Variants in PPP4R1 observed in about 807,000 individuals in gnomAD.
PPP4R1 encodes serine/threonine-protein phosphatase 4 regulatory subunit 1.
PPP4R1 carries 42 observed loss-of-function variants against 111.2 expected under a neutral mutation model. The ratio of observed to expected loss-of-function variants is 0.38; its 90% confidence interval spans 0.29 to 0.49. The LOEUF is 0.49. Ranked by LOEUF, PPP4R1 falls within the 20% of genes least tolerant of loss-of-function variation. PPP4R1 has a pLI of 0.97. For synonymous variants in PPP4R1, 409 were observed against 405.5 expected (o/e 1.01, Z -0.10); for missense variants, 1,012 against 1,161.6 (o/e 0.87, Z 1.87).
chr18:9,597,843 C>T (rs1282309308), intron 2 of PPP4R1, among the ~76,000 whole-genome samples: 1 of 151,950 alleles, frequency 6.6e-6, no homozygotes, highest in African/African-American at 2.4e-5. Context: ...AAAATACAAA[C>T]CATGAGGCAA....
chr18:9,610,917 C>T (rs75842011), intron 2 of PPP4R1, among the ~76,000 whole-genome samples: 4,717 of 151,878 alleles, frequency 0.031, 109 homozygotes, highest in Non-Finnish European at 0.049. Context: ...ATTTTTCCCT[C>T]ATTAGGATTT....
intron 4 of PPP4R1, among the ~76,000 whole-genome samples, chr18:9,589,509 T>C (rs2067175514): frequency 6.6e-6 from 1 of 152,134 alleles, no homozygotes; most frequent in Non-Finnish European, 1.5e-5. Flanking sequence ...CTACTGCACA[T>C]CATAAAGATC....
intron 2 of PPP4R1, among the ~76,000 whole-genome samples, chr18:9,604,052 T>C (rs775962819): frequency 2.0e-5 from 3 of 152,186 alleles, no homozygotes; most frequent in Non-Finnish European, 4.4e-5. Flanking sequence ...TAGTCCATTT[T>C]AAAAAGTGAT....
At chr18:9,577,425 G>A (rs927885376) in intron 9 of PPP4R1, among the ~76,000 whole-genome samples, 1 of 152,218 alleles carries the variant, frequency 6.6e-6, no homozygotes, top group Non-Finnish European at 1.5e-5. Context: ...AGCACTCTGG[G>A]AGGCTGAGCT....
intron 14 of PPP4R1, among the ~76,000 whole-genome samples, chr18:9,558,637 C>A (rs1220523847): frequency 6.6e-6 from 1 of 150,660 alleles, no homozygotes; most frequent in African/African-American, 2.4e-5. Flanking sequence ...TTGAAAAATA[C>A]AATTACTAAG....
chr18:9,578,217 C>T (rs1325594155), intron 9 of PPP4R1, among the ~76,000 whole-genome samples: 1 of 152,182 alleles, frequency 6.6e-6, no homozygotes, highest in Non-Finnish European at 1.5e-5. Flanking sequence ...CTTTGCCACA[C>T]ACCAATTTCC....
intron 11 of PPP4R1, among the ~76,000 whole-genome samples, chr18:9,567,374 G>C (rs1207235396): frequency 2.0e-5 from 3 of 152,198 alleles, no homozygotes; most frequent in Non-Finnish European, 4.4e-5. Context: ...TAATTTTAGA[G>C]ATGGGGTCTT....
chr18:9,557,517 C>T (rs2066606616), intron 14 of PPP4R1, 135 bp from the exon 15 acceptor site: 3 of 701,456 alleles, frequency 4.3e-6, no homozygotes, highest in East Asian at 3.2e-5. Flanking sequence ...CAGATACTAA[C>T]TTTAAATGCC....
chr18:9,596,986 G>C (rs773918945), intron 2 of PPP4R1, among the ~76,000 whole-genome samples: 10 of 152,132 alleles, frequency 6.6e-5, no homozygotes, highest in African/African-American at 1.2e-4. Context: ...TAAAATGACA[G>C]AGCCAGGCAT....
chr18:9,582,246 G>T (rs1255883160), intron 9 of PPP4R1, among the ~76,000 whole-genome samples: 3 of 151,966 alleles, frequency 2.0e-5, no homozygotes, highest in Non-Finnish European at 4.4e-5. Flanking sequence ...GAAACCAAAA[G>T]TTGGTTCTGT....
Position 9,553,352 on chromosome 18 carries a change from C to T in PPP4R1, c.2261G>A (p.Arg754Lys), listed in dbSNP as rs1345570295. ...LQEFLVTDNS[R>K]NWRFRAELAE... ...CAGTTCAGCTCGAAACCGCCAATTT[C>T]TACTATTATCTGTCACCAAAAACTC... Residue 754 changes from arginine (R) to lysine (K), a missense_variant, in exon 16 of 20, where the codon AGA becomes AAA. By Grantham distance (26) the Arg-to-Lys change is conservative. Transcript: ENST00000400556. 1 of 1,600,360 alleles carries T rather than the reference C, an allele frequency of 6.2e-7. No homozygotes were observed. Among genetic ancestry groups the T allele is most frequent in the African/African-American group, 1.3e-5 (1 of 74,614 alleles).
rs891684172 is a variant in PPP4R1, at chr18:9,598,819, G to A, written c.53-3666C>T. Among the ~76,000 whole-genome samples, 5 of 151,910 alleles carry A rather than the reference G, an allele frequency of 3.3e-5. No individual in the cohort carries two copies. The South Asian group carries it at 1.0e-3, about 31-fold the overall frequency. ...GCGGATGGATCACTTGAGCTCAGGA[G>A]TTCAAGATCAGCCTGGGCAATATAG... On this transcript the variant is annotated intron_variant, in intron 2 of 19. Coordinates refer to ENST00000400556, the MANE Select transcript of PPP4R1 (RefSeq NM_001042388.3).
Position 9,553,369 on chromosome 18 carries a change from CA to C in PPP4R1, c.2243del (p.Leu748TrpfsTer2). ...GCCAATTTCTACTATTATCTGTCAC[CA>C]AAAACTCCTGAAGTTGATAAAGATA... ...REYLYQLQEFLVTDNSRNWRF... is the reference protein window; with the variant it reads ...REYLYQLQEFXVTDNSRNWRF... On this transcript the variant is annotated frameshift_variant, in exon 16 of 20. Coordinates refer to ENST00000400556, the MANE Select transcript of PPP4R1 (RefSeq NM_001042388.3). LOFTEE classifies it high-confidence loss of function. The C allele has an allele frequency of 1.9e-6, 3 of 1,603,030 alleles. No homozygotes were observed. The highest frequency in any genetic ancestry group is 2.6e-6 in the Non-Finnish European group (3 of 1,170,630).
intron 10 of PPP4R1, among the ~76,000 whole-genome samples, chr18:9,576,700 C>T (rs1441764576): frequency 6.6e-6 from 1 of 152,074 alleles, no homozygotes; most frequent in Non-Finnish European, 1.5e-5. Context: ...AACCCAAATA[C>T]TACACAGTGT....
chr18:9,563,234 A>G lies in PPP4R1; in HGVS notation c.1746+144T>C, dbSNP rs983989114. ...ACGAGGACAGGATGTGATGAAAACA[A>G]TTACTTTATGCAAAACGAAGAGCTA... On this transcript the variant is annotated intron_variant, in intron 12 of 19. Coordinates refer to ENST00000400556, the MANE Select transcript of PPP4R1 (RefSeq NM_001042388.3). 2.4e-6 allele frequency: 3 copies of G among 1,249,782 alleles called. No individual in the cohort carries two copies. The African/African-American group carries it at 4.6e-5, about 19-fold the overall frequency. The allele number at this position is 1,249,782 out of a possible 1,614,324, so 77.4% of individuals were successfully genotyped here.
intron 2 of PPP4R1, among the ~76,000 whole-genome samples, chr18:9,602,909 C>T (rs2067415452): frequency 6.6e-6 from 1 of 152,046 alleles, no homozygotes; most frequent in Non-Finnish European, 1.5e-5. Flanking sequence ...TAAGAGAGAT[C>T]TGGATTCAAA....
intron 2 of PPP4R1, among the ~76,000 whole-genome samples, chr18:9,595,517 T>C (rs2067276989): frequency 6.6e-6 from 1 of 152,226 alleles, no homozygotes; most frequent in Non-Finnish European, 1.5e-5. Flanking sequence ...TCCTGCAATG[T>C]GGAAGATAAA....
chr18:9,567,558 A>T (rs1320084254), intron 11 of PPP4R1, among the ~76,000 whole-genome samples: 1 of 152,210 alleles, frequency 6.6e-6, no homozygotes, highest in Non-Finnish European at 1.5e-5. Flanking sequence ...TAGGATGAGC[A>T]AAGAAAGTGG....
chr18:9,572,235 T>C (rs1219383254), intron 10 of PPP4R1, among the ~76,000 whole-genome samples: 2 of 151,978 alleles, frequency 1.3e-5, no homozygotes, highest in African/African-American at 4.8e-5. Context: ...CAGAAAGATG[T>C]GTGGGGCTGA....
Sources: allele counts gnomAD v4.1 joint callset (sites outside exome capture counted in the v4.1 genomes callset), GRCh38; gene constraint gnomAD v4.1.1; transcripts MANE v1.5; gene names NCBI Gene and HGNC (gene_info 2026-07-23, HGNC 2026-07-21).